Variants in CDYL observed in about 807,000 individuals in gnomAD.
CDYL encodes chromodomain Y like, also known as chromodomain Y-like protein.
A neutral mutation model predicts 47.3 loss-of-function variants in CDYL; 8 were observed. That is an observed-to-expected ratio of 0.17 (90% CI 0.10 to 0.31). CDYL has a LOEUF of 0.31. Among genes scored for constraint, CDYL ranks in the 10% least tolerant of loss-of-function variants. The pLI, the probability that CDYL is intolerant of heterozygous loss-of-function variation, is 1.00. For synonymous variants in CDYL, 266 were observed against 265.0 expected (o/e 1.00, Z -0.04); for missense variants, 471 against 701.4 (o/e 0.67, Z 3.71).
chr6:4,837,641 T>G (rs956205827), intron 1 of CDYL, among the ~76,000 whole-genome samples: 5 of 152,004 alleles, frequency 3.3e-5, no homozygotes, highest in African/African-American at 1.2e-4. Context: ...ATTTTTGTAT[T>G]TTTAGTAGAG....
intron 1 of CDYL, among the ~76,000 whole-genome samples, chr6:4,799,631 T>G (rs1390122621): frequency 6.6e-6 from 1 of 152,012 alleles, no homozygotes; most frequent in Non-Finnish European, 1.5e-5. Flanking sequence ...GAGATGGGGT[T>G]TCATGATATG....
At chr6:4,799,066 T>A (rs1759152090) in intron 1 of CDYL, among the ~76,000 whole-genome samples, 1 of 152,246 alleles carries the variant, frequency 6.6e-6, no homozygotes, top group Non-Finnish European at 1.5e-5. Context: ...CATATAGTGC[T>A]GTACATTTAC....
At chr6:4,855,893 G>A (rs1042218911) in intron 1 of CDYL, among the ~76,000 whole-genome samples, 3 of 152,202 alleles carry the variant, frequency 2.0e-5, no homozygotes, top group Admixed American at 1.3e-4. Flanking sequence ...TCACGGCCAA[G>A]CTCAGTACTG....
At chr6:4,758,525 T>C (rs1582316589) in intron 3 of CDYL, among the ~76,000 whole-genome samples, 1 of 150,930 alleles carries the variant, frequency 6.6e-6, no homozygotes, top group East Asian at 2.0e-4. Context: ...TAGCTGAGAG[T>C]GGTGACAAAC....
chr6:4,715,233 A>G (rs150419935), intron 1 of CDYL, among the ~76,000 whole-genome samples: 1 of 152,190 alleles, frequency 6.6e-6, no homozygotes, highest in African/African-American at 2.4e-5. Context: ...GACCTTTTGT[A>G]TAAGACGTCA....
At chr6:4,722,950 T>TA (rs1319927443) in intron 2 of CDYL, among the ~76,000 whole-genome samples, 2 of 152,264 alleles carry the variant, frequency 1.3e-5, no homozygotes, top group East Asian at 3.9e-4. Context: ...TACCCTAGCA[T>TA]AAGCAATCTT....
Position 4,886,891 on chromosome 6 carries a change from G to A in CDYL, c.25-4822G>A, listed in dbSNP as rs562782676. ...TTAATGTGTGGTATGAGGTGTAAAG[G>A]TCCAACTTGCCTCTTTGGCATATGG... is the stretch of plus-strand genomic sequence containing the variant. On this transcript the variant is annotated intron_variant, in intron 1 of 6. Transcript: ENST00000397588. Among the ~76,000 whole-genome samples the A allele has an allele frequency of 2.3e-3, 355 of 152,116 alleles. 1 individual carries two copies. Among genetic ancestry groups the A allele is most frequent in the African/African-American group, 8.3e-3 (344 of 41,508 alleles).
chr6:4,895,313 A>G lies in CDYL; in HGVS notation c.691+2934A>G, dbSNP rs1365418352. Among the ~76,000 whole-genome samples, 45 of 144,932 alleles carry G rather than the reference A, an allele frequency of 3.1e-4. 8 individuals are homozygous for G. Among genetic ancestry groups the G allele is most frequent in the African/African-American group, 1.2e-3 (42 of 35,160 alleles). ...TATGCATGTATGTATATATGTGCAT[A>G]TATGCATGTATGTATATATGTGCAT... On this transcript the variant is annotated intron_variant, in intron 2 of 6. Transcript: ENST00000397588.
chr6:4,950,476 G>A (rs893902858), intron 5 of CDYL, among the ~76,000 whole-genome samples: 2 of 152,198 alleles, frequency 1.3e-5, no homozygotes, highest in Non-Finnish European at 1.5e-5. Context: ...GCAGCACACC[G>A]GGAGTCCCAC....
chr6:4,788,774 A>G (rs890779586), intron 1 of CDYL, among the ~76,000 whole-genome samples: 1 of 151,054 alleles, frequency 6.6e-6, no homozygotes, highest in African/African-American at 2.4e-5. Context: ...ATCTAGTGTG[A>G]CCCGTGTTTC....
chr6:4,826,636 A>C (rs765477793), intron 1 of CDYL, among the ~76,000 whole-genome samples: 2 of 152,054 alleles, frequency 1.3e-5, no homozygotes, highest in Non-Finnish European at 2.9e-5. Flanking sequence ...GTGTTGTTTT[A>C]ATTTCCACAT....
intron 1 of CDYL, chr6:4,714,095 G>A (rs938118773): frequency 6.6e-6 from 1 of 152,174 alleles, no homozygotes; most frequent in Non-Finnish European, 1.5e-5. Flanking sequence ...CGAACACAGA[G>A]GGTTGGAGAG....
intron 1 of CDYL, among the ~76,000 whole-genome samples, chr6:4,884,012 A>G (rs887879121): frequency 6.6e-6 from 1 of 152,190 alleles, no homozygotes; most frequent in South Asian, 2.1e-4. Context: ...GCATCCTACA[A>G]GTAGCTTTCC....
intron 1 of CDYL, among the ~76,000 whole-genome samples, chr6:4,889,541 G>A (rs921196575): frequency 2.6e-5 from 4 of 151,918 alleles, no homozygotes; most frequent in Non-Finnish European, 1.5e-5. Context: ...TTTACTAGCT[G>A]GAAAAGATCA....
intron 3 of CDYL, among the ~76,000 whole-genome samples, chr6:4,756,829 A>G (rs1343476548): frequency 1.3e-5 from 2 of 152,200 alleles, no homozygotes; most frequent in Non-Finnish European, 2.9e-5. Context: ...TTCCAATCCA[A>G]TCAGCTGTGT....
At chr6:4,752,561 C>G (rs968115706) in intron 3 of CDYL, among the ~76,000 whole-genome samples, 3 of 152,066 alleles carry the variant, frequency 2.0e-5, no homozygotes, top group African/African-American at 7.2e-5. Context: ...AAACGATTAC[C>G]CTGCCTCCTA....
At chr6:4,888,143 C>G (rs1761947812) in intron 1 of CDYL, among the ~76,000 whole-genome samples, 1 of 151,976 alleles carries the variant, frequency 6.6e-6, no homozygotes, top group Non-Finnish European at 1.5e-5. Context: ...AGGTATAGGT[C>G]TATAGCTTTC....
chr6:4,781,102 CA>C (rs2127430398), intron 1 of CDYL, among the ~76,000 whole-genome samples: 1 of 152,156 alleles, frequency 6.6e-6, no homozygotes, highest in South Asian at 2.1e-4. Flanking sequence ...TTTTCATTTT[CA>C]AAAATGGAAG....
intron 2 of CDYL, among the ~76,000 whole-genome samples, chr6:4,722,468 G>A (rs935704119): frequency 2.6e-5 from 4 of 152,170 alleles, no homozygotes; most frequent in South Asian, 2.1e-4. Flanking sequence ...CGAAAGATAA[G>A]AAAATGTTCG....
Sources: allele counts gnomAD v4.1 joint callset (sites outside exome capture counted in the v4.1 genomes callset), GRCh38; gene constraint gnomAD v4.1.1; transcripts MANE v1.5; gene names NCBI Gene and HGNC (gene_info 2026-07-23, HGNC 2026-07-21).